Variants in EIF3E observed in about 807,000 individuals in gnomAD.
EIF3E encodes the protein eukaryotic translation initiation factor 3 subunit E, also known as eIF-3 p48.
Under a neutral mutation model 59.3 loss-of-function variants are expected in EIF3E, and 25 were observed. That is an observed-to-expected ratio of 0.42 (90% confidence interval 0.31 to 0.59). The LOEUF (loss-of-function observed/expected upper bound fraction) is 0.59. Among genes scored for constraint, EIF3E ranks in the 20% least tolerant of loss-of-function variants. The probability of loss-of-function intolerance (pLI) is 0.15; values close to 1 mark genes in which losing one functional copy is unlikely to be tolerated. For synonymous variants in EIF3E, 176 were observed against 170.2 expected (o/e 1.03, Z -0.26); for missense variants, 317 against 534.3 (o/e 0.59, Z 4.01).
At chr8:108,242,967 T>C (rs11995950) in intron 1 of EIF3E, 18,388 of 153,052 alleles carry the variant, frequency 0.12, 2,752 homozygotes, top group African/African-American at 0.36. Flanking sequence ...AAACATACTT[T>C]TTGATCCAGC....
At chr8:108,229,345 ACT>A in intron 5 of EIF3E, 150 bp from the exon 6 acceptor site, 1 of 704,934 alleles carries the variant, frequency 1.4e-6, no homozygotes, top group South Asian at 3.7e-5. Flanking sequence ...ATTGGATCAC[ACT>A]GGTTTGTTTC....
Position 108,228,254 on chromosome 8 carries a change from T to C in EIF3E, c.722+13A>G. 1 of 1,576,748 alleles carries C rather than the reference T, an allele frequency of 6.3e-7. No homozygotes were observed. The highest frequency in any genetic ancestry group is 1.2e-5 in the South Asian group (1 of 83,810). ...TCTAAACAAAGCCAAAATTACACAG[T>C]GAAATAACTTACTGTGGCTGATAAA... On this transcript the variant is annotated intron_variant, in intron 7 of 12. Coordinates refer to ENST00000220849, the MANE Select transcript of EIF3E (RefSeq NM_001568.3).
intron 7 of EIF3E, among the ~76,000 whole-genome samples, chr8:108,225,340 A>G (rs1289394107): frequency 1.3e-5 from 2 of 151,568 alleles, no homozygotes; most frequent in African/African-American, 2.4e-5. Flanking sequence ...ACCCGTTTCT[A>G]TGGGTCTGGT....
intron 3 of EIF3E, among the ~76,000 whole-genome samples, chr8:108,237,321 G>A (rs1333521090): frequency 2.0e-5 from 3 of 152,052 alleles, no homozygotes; most frequent in Admixed American, 6.6e-5. Flanking sequence ...GTGTAATCTC[G>A]GCTCACTGCC....
chr8:108,222,014 T>A (rs1023133400), intron 7 of EIF3E, among the ~76,000 whole-genome samples: 1 of 152,202 alleles, frequency 6.6e-6, no homozygotes, highest in African/African-American at 2.4e-5. Context: ...AGTTTGCAGA[T>A]CCTTGGTATA....
chr8:108,211,508 G>C (rs570868094), intron 10 of EIF3E, among the ~76,000 whole-genome samples: 1 of 152,026 alleles, frequency 6.6e-6, no homozygotes, highest in South Asian at 2.1e-4. Context: ...TTGTCAGATG[G>C]GTAGATGCTA....
intron 5 of EIF3E, chr8:108,231,803 G>A (rs1263093723): frequency 6.6e-6 from 1 of 151,192 alleles, no homozygotes; most frequent in East Asian, 1.9e-4. Context: ...CAAACAGAGT[G>A]TACCTGAACA....
Position 108,248,613 on chromosome 8 carries a change from C to T in EIF3E, c.90G>A (p.Glu30=). 1 of 1,614,012 alleles carries T rather than the reference C, an allele frequency of 6.2e-7. No individual in the cohort carries two copies. The highest frequency in any genetic ancestry group is 8.5e-7 in the Non-Finnish European group (1 of 1,179,940). Residue 30 remains glutamate, a splice_region_variant and synonymous_variant, in exon 1 of 13, where the codon GAG becomes GAA. Coordinates refer to ENST00000220849, the MANE Select transcript of EIF3E (RefSeq NM_001568.3). ...TCCTTGCGCCCAAAGACCCCCTCAC[C>T]TCCTTTACAGAGAGAAATTCAAGAA... ...FPLLEFLSVK[E]IYNEKELLQG...
intron 3 of EIF3E, among the ~76,000 whole-genome samples, chr8:108,239,556 G>A (rs1359072388): frequency 2.0e-5 from 2 of 99,490 alleles, no homozygotes; most frequent in East Asian, 2.6e-4. Flanking sequence ...GGGGAGTAGC[G>A]GCAGCAGTGC....
At position 108,201,585 on chromosome 8, in the gene EIF3E, G is replaced by A. The variant is rs965929427; in HGVS notation, c.*300C>T. On this transcript the variant is annotated 3_prime_UTR_variant, in exon 13 of 13. Coordinates refer to ENST00000220849, the MANE Select transcript of EIF3E (RefSeq NM_001568.3). The stretch of plus-strand genomic sequence containing the variant: ...ATGTCAACATCCTGGTTTTGATACT[G>A]TACCATAGTAAGACAAAGTGAAAAA... 10 of 210,044 alleles carry A rather than the reference G, an allele frequency of 4.8e-5. No individual in the cohort carries two copies. The highest frequency in any genetic ancestry group is 1.4e-4 in the African/African-American group (6 of 43,088). 13.0% of individuals were successfully genotyped at this position (210,044 alleles called of 1,614,324 possible).
At chr8:108,211,403 A>C (rs1256490943) in intron 10 of EIF3E, among the ~76,000 whole-genome samples, 2 of 152,104 alleles carry the variant, frequency 1.3e-5, no homozygotes, top group African/African-American at 4.8e-5. Context: ...TTCTTTTCAG[A>C]AGTATCTGTT....
chr8:108,204,770 GAGAGAGAGAGAC>G (rs780771061), intron 10 of EIF3E, among the ~76,000 whole-genome samples: 3,954 of 125,550 alleles, frequency 0.031, 47 homozygotes, highest in African/African-American at 0.039. Context: ...GAGAGAGAGA[GAGAGAGAGAGAC>G]AGAGAGAGAG....
At chr8:108,213,036 C>G (rs540943807) in intron 10 of EIF3E, among the ~76,000 whole-genome samples, 2 of 152,020 alleles carry the variant, frequency 1.3e-5, no homozygotes, top group African/African-American at 4.8e-5. Context: ...AAAATCTACA[C>G]GGAGAAAAGT....
chr8:108,226,363 T>A (rs985078265), intron 7 of EIF3E: 1 of 152,024 alleles, frequency 6.6e-6, no homozygotes, highest in Non-Finnish European at 1.5e-5. Context: ...GGGGCTAATT[T>A]TTTGTATTTT....
chr8:108,219,722 T>A (rs1005967327), intron 7 of EIF3E, among the ~76,000 whole-genome samples: 2 of 149,988 alleles, frequency 1.3e-5, no homozygotes, highest in African/African-American at 2.5e-5. Flanking sequence ...CAAAAAATAA[T>A]AATAATAAAA....
chr8:108,211,590 A>C (rs556303050), intron 10 of EIF3E, among the ~76,000 whole-genome samples: 1 of 152,254 alleles, frequency 6.6e-6, no homozygotes, highest in South Asian at 2.1e-4. Context: ...TAACCCACTA[A>C]AGCATCCTTA....
intron 10 of EIF3E, among the ~76,000 whole-genome samples, chr8:108,206,677 C>A (rs919138307): frequency 5.3e-5 from 8 of 151,978 alleles, no homozygotes; most frequent in Non-Finnish European, 1.2e-4. Flanking sequence ...GTGGCCTGCA[C>A]CTATAGTCCC....
In EIF3E at chr8:108,203,477, G is replaced by A. The variant is rs1454483084; in HGVS notation, c.1088C>T (p.Thr363Ile). Residue 363 changes from threonine (T) to isoleucine (I), a missense_variant, in exon 11 of 13, where the codon ACT (threonine) becomes ATT (isoleucine). By Grantham distance (89) the Thr-to-Ile change is moderately conservative. This residue lies in a region of EIF3E where 45 missense variants were observed against 97.8 expected (regional missense o/e 0.46). Coordinates refer to ENST00000220849, the MANE Select transcript of EIF3E (RefSeq NM_001568.3). ...AATCCACCTTTCAGCTTCTTCTGGA[G>A]TCATGTTCAATTTATCTGCCAACAT... is the stretch of plus-strand genomic sequence containing the variant. ...INMLADKLNM[T>I]PEEAERWIVN... 6.2e-7 allele frequency: 1 copy of A among 1,612,640 alleles called. No individual in the cohort carries two copies. Among genetic ancestry groups the A allele is most frequent in the Non-Finnish European group, 8.5e-7 (1 of 1,179,028 alleles).
intron 5 of EIF3E, chr8:108,233,708 G>A (rs185301145): frequency 2.1e-5 from 8 of 381,672 alleles, no homozygotes; most frequent in Admixed American, 1.7e-4. Context: ...AGCCATGAGT[G>A]GTGATGCACA....
Sources: gnomAD v4.1 joint callset for allele counts (sites outside exome capture counted in the v4.1 genomes callset) on GRCh38, gnomAD v4.1.1 for gene constraint, gnomAD v4.1.1 regional missense constraint, MANE v1.5 for transcripts, NCBI Gene and HGNC (gene_info 2026-07-23, HGNC 2026-07-21) for gene names.